ZC3H13: variants seen among roughly 807,000 people sequenced by gnomAD.
ZC3H13 encodes zinc finger CCCH domain-containing protein 13.
A neutral mutation model predicts 204.1 loss-of-function variants in ZC3H13; 64 were observed. The observed-to-expected ratio is 0.31, with a 90% CI of 0.26 to 0.39. The LOEUF is 0.39. Ranked by LOEUF, ZC3H13 falls within the 10% of genes least tolerant of loss-of-function variation. The pLI, the probability that ZC3H13 is intolerant of heterozygous loss-of-function variation, is 1.00. For missense variants in ZC3H13, 1,833 were observed against 2,082.7 expected, an observed-to-expected ratio of 0.88 and a Z score of 2.33; for synonymous variants, 667 against 693.7, an observed-to-expected ratio of 0.96 and a Z score of 0.60.
intron 3 of ZC3H13, among the ~76,000 whole-genome samples, chr13:46,043,619 C>T (rs1593818085): frequency 6.6e-6 from 1 of 151,854 alleles, no homozygotes; most frequent in Non-Finnish European, 1.5e-5. Context: ...AAATACATTG[C>T]TTTTCTTATC....
rs1419942849 is a variant in ZC3H13 at position 46,044,970 on chromosome 13, C to T, written c.212G>A (p.Ser71Asn). 3 of 1,611,866 alleles carry T rather than the reference C, an allele frequency of 1.9e-6. No individual in the cohort carries two copies. Among genetic ancestry groups the T allele is most frequent in the Non-Finnish European group, 2.5e-6 (3 of 1,178,954 alleles). ...CTCAGTTTACCTTCTATAATTGCTG[C>T]TATAACCTTTACCACGAGGTGAAGG... Reference protein sequence around the residue: ...HGPSPRGKGYSSNYRRSPERP... With the variant: ...HGPSPRGKGYNSNYRRSPERP... The change falls in exon 3 of 19, where the codon AGC becomes AAC. Residue 71 changes from serine to asparagine, a missense_variant. This residue lies in a region of ZC3H13 where 1,574 missense variants were observed against 1,757.2 expected (regional missense o/e 0.90). Coordinates refer to ENST00000679008, the MANE Select transcript of ZC3H13 (RefSeq NM_001330564.2).
At chr13:46,018,077 T>A (rs1320986188) in intron 5 of ZC3H13, among the ~76,000 whole-genome samples, 1 of 152,148 alleles carries the variant, frequency 6.6e-6, no homozygotes, top group Non-Finnish European at 1.5e-5. Context: ...GGAGCCTCCG[T>A]GTAAGACTGA....
In ZC3H13 at chr13:45,979,979, T is replaced by C; in HGVS notation, c.1746A>G (p.Gln582=). Residue 582 remains glutamine (Q), a synonymous_variant, in exon 11 of 19, where the codon CAA becomes CAG. Coordinates refer to ENST00000679008, the MANE Select transcript of ZC3H13 (RefSeq NM_001330564.2). ...TGCTATTACTACTGTGACTATCAATTTGAGAACCTCTTGAGCCTCGACTTC... is the reference window on the plus strand; with the variant it reads ...TGCTATTACTACTGTGACTATCAATCTGAGAACCTCTTGAGCCTCGACTTC... The part of the protein sequence containing the change: ...EKGSRGSRGS[Q]IDSHSSNSNY... 1 of 1,606,008 alleles carries C rather than the reference T, an allele frequency of 6.2e-7. No individual in the cohort carries two copies. Among genetic ancestry groups the C allele is most frequent in the Non-Finnish European group, 8.5e-7 (1 of 1,177,158 alleles).
intron 7 of ZC3H13, among the ~76,000 whole-genome samples, chr13:46,008,331 A>C (rs1448593275): frequency 2.0e-5 from 3 of 152,026 alleles, no homozygotes; most frequent in East Asian, 3.9e-4. Flanking sequence ...AAAAAAAAAA[A>C]AGAAAAGAAA....
chr13:45,978,912 C>A (rs1041468331), intron 11 of ZC3H13, among the ~76,000 whole-genome samples: 2 of 152,004 alleles, frequency 1.3e-5, no homozygotes, highest in African/African-American at 4.8e-5. Context: ...CTAATCAATT[C>A]TCCTACTTCT....
At position 45,985,623 on chromosome 13, in the gene ZC3H13, C is replaced by G. The variant is rs1954111234; in HGVS notation, c.1394G>C (p.Arg465Thr). 2 of 1,613,852 alleles carry G rather than the reference C, an allele frequency of 1.2e-6. No individual in the cohort carries two copies. The highest frequency in any genetic ancestry group is 1.6e-4 in the Middle Eastern group (1 of 6,084). ...GGAGTCTCTTAGTTCCCTTCGGTCC[C>G]TAGTATCTCTGGCATCTCTCCGATC... ...GRDRRDARDT[R>T]DRRELRDSRD... Residue 465 changes from arginine (R) to threonine (T), a missense_variant, in exon 10 of 19, where the codon AGG (arginine) becomes ACG (threonine). Coordinates refer to ENST00000679008, the MANE Select transcript of ZC3H13 (RefSeq NM_001330564.2).
chr13:46,003,105 G>GTTA, intron 8 of ZC3H13, 34 bp downstream of exon 8: 1 of 1,590,082 alleles, frequency 6.3e-7, no homozygotes, highest in Non-Finnish European at 8.5e-7. Context: ...TTCTACAAAA[G>GTTA]TTAATATTGT....
At chr13:46,029,673 C>T (rs1336242392) in intron 4 of ZC3H13, among the ~76,000 whole-genome samples, 2 of 151,880 alleles carry the variant, frequency 1.3e-5, no homozygotes, top group Admixed American at 1.3e-4. Flanking sequence ...CGTGATCCGC[C>T]CGCCTCGGCC....
chr13:46,024,728 CTTT>C (rs66498813), intron 4 of ZC3H13, among the ~76,000 whole-genome samples: 1 of 147,726 alleles, frequency 6.8e-6, no homozygotes. Context: ...CTCCAACATT[CTTT>C]TTTTTTTTTC....
chr13:46,038,715 G>A (rs74466778), intron 4 of ZC3H13, among the ~76,000 whole-genome samples: 2,084 of 152,204 alleles, frequency 0.014, 41 homozygotes, highest in African/African-American at 0.047. Context: ...TCTGTTACCT[G>A]TCAAATATAA....
At chr13:46,040,835 T>C (rs772009246) in intron 4 of ZC3H13, among the ~76,000 whole-genome samples, 8 of 152,154 alleles carry the variant, frequency 5.3e-5, no homozygotes, top group Admixed American at 2.0e-4. Flanking sequence ...CACAAGAAGA[T>C]GCTCAACATC....
chr13:46,042,231 T>C lies in ZC3H13; in HGVS notation c.272A>G (p.Asn91Ser). 6.2e-7 allele frequency: 1 copy of C among 1,613,472 alleles called. No individual in the cohort carries two copies. Among genetic ancestry groups the C allele is most frequent in the Non-Finnish European group, 8.5e-7 (1 of 1,179,492 alleles). Reference protein sequence around the residue: ...PTGDLRERMKNKRQDVDTEPQ... With the variant: ...PTGDLRERMKSKRQDVDTEPQ... ...CTCAGTGTCCACGTCTTGGCGCTTG[T>C]TCTTCATTCTTTCTCTAAGATCCCC... The change falls in exon 4 of 19, where the codon AAC becomes AGC. Residue 91 changes from asparagine to serine, a missense_variant. By Grantham distance (46) the Asn-to-Ser change is conservative. This residue lies in a region of ZC3H13 where 1,574 missense variants were observed against 1,757.2 expected (regional missense o/e 0.90). Coordinates refer to ENST00000679008, the MANE Select transcript of ZC3H13 (RefSeq NM_001330564.2).
At chr13:46,001,498 A>G (rs1040068512) in intron 8 of ZC3H13, 1 of 152,206 alleles carries the variant, frequency 6.6e-6, no homozygotes, top group Non-Finnish European at 1.5e-5. Flanking sequence ...TAAATTTAAA[A>G]ACCAAGTTCA....
At chr13:45,989,125 C>T in intron 8 of ZC3H13, 28 bp from the exon 9 acceptor site, 1 of 1,595,720 alleles carries the variant, frequency 6.3e-7, no homozygotes, top group East Asian at 2.2e-5. Context: ...AACAATAAAA[C>T]ATGTATTCAA....
intron 6 of ZC3H13, among the ~76,000 whole-genome samples, chr13:46,010,861 T>G (rs2041509451): frequency 6.6e-6 from 1 of 151,644 alleles, no homozygotes; most frequent in Non-Finnish European, 1.5e-5. Context: ...CCAGCCTGGG[T>G]AATAGAGAAA....
chr13:45,983,550 C>A (rs1035809173), intron 10 of ZC3H13, among the ~76,000 whole-genome samples: 1 of 146,842 alleles, frequency 6.8e-6, no homozygotes, highest in Non-Finnish European at 1.5e-5. Flanking sequence ...CCTCAGCCTC[C>A]CGAGTAGCTG....
Position 45,969,142 on chromosome 13 carries a change from G to T in ZC3H13, c.3402C>A (p.Ala1134=). 1 of 1,614,150 alleles carries T rather than the reference G, an allele frequency of 6.2e-7. No individual in the cohort carries two copies. Among genetic ancestry groups the T allele is most frequent in the Non-Finnish European group, 8.5e-7 (1 of 1,180,026 alleles). ...GGGTGGCAGAGGTGGAAATAGTGAT[G>T]GCAGATGTGCTGAAAGAGGTGGCGG... ...AAAATSFSTS[A]ITISTSATPT... is the part of the protein sequence containing the mutation. Residue 1134 remains alanine, a synonymous_variant, in exon 14 of 19, where the codon GCC becomes GCA. Transcript: ENST00000679008.
At chr13:45,959,776 T>A in intron 17 of ZC3H13, 130 bp from the exon 18 acceptor site, 1 of 1,024,422 alleles carries the variant, frequency 9.8e-7, no homozygotes, top group Non-Finnish European at 1.3e-6. Context: ...TATTTCACAT[T>A]AAAGGCAATA....
chr13:45,970,499 TCTAGGGGGC>T, intron 12 of ZC3H13, 34 bp from the exon 13 acceptor site: 1 of 1,582,908 alleles, frequency 6.3e-7, no homozygotes, highest in South Asian at 1.1e-5. Flanking sequence ...TTTATAAAAT[TCTAGGGGGC>T]AAAAAAAGAG....
Sources: allele counts gnomAD v4.1 joint callset (sites outside exome capture counted in the v4.1 genomes callset), GRCh38; gene constraint gnomAD v4.1.1; regional missense constraint gnomAD v4.1.1; transcripts MANE v1.5; gene names NCBI Gene and HGNC (gene_info 2026-07-23, HGNC 2026-07-21).